The following MYL5 variants were observed in gnomAD, a reference collection of about 807,000 sequenced individuals.
MYL5 encodes myosin light chain 5, also known as myosin regulatory light chain 5.
In MYL5, 28 loss-of-function variants were observed where a neutral mutation model predicts 20.8. The observed-to-expected ratio is 1.35, with a 90% CI of 1.00 to 1.84. The LOEUF (loss-of-function observed/expected upper bound fraction) is 1.84, where lower values mean the gene tolerates loss of function less well. Among genes scored for constraint, MYL5 ranks in the 40% most tolerant of loss-of-function variants. The pLI is 0.00. For synonymous variants in MYL5, 118 were observed against 87.4 expected, an observed-to-expected ratio of 1.35 and a Z score of -1.95; for missense variants, 274 against 227.3, an observed-to-expected ratio of 1.21 and a Z score of -1.32.
upstream of MYL5, chr4:676,383 C>CG (rs749334168): frequency 1.3e-5 from 2 of 152,296 alleles, no homozygotes; most frequent in African/African-American, 4.8e-5. Flanking sequence ...AGAAAACATG[C>CG]GGGCAAACAC....
chr4:679,977 A>C (rs1438474303), exon 4 of MYL5: 2 of 1,613,440 alleles, frequency 1.2e-6, no homozygotes, highest in Non-Finnish European at 1.7e-6. Flanking sequence ...GGGCCCATCA[A>C]CTTCACCATG....
At chr4:679,999 G>A (rs765938092) in exon 4 of MYL5, 2 of 1,613,234 alleles carry the variant, frequency 1.2e-6, no homozygotes, top group Non-Finnish European at 1.7e-6. Flanking sequence ...TTCTGAACCT[G>A]TTTGGGGAGA....
intron 2 of MYL5, 48 bp downstream of exon 4, chr4:678,813 G>A: frequency 6.2e-7 from 1 of 1,608,686 alleles, no homozygotes; most frequent in South Asian, 1.1e-5. Context: ...AGGAGCCTGT[G>A]CTGGGAAGAC....
upstream of MYL5, among the ~76,000 whole-genome samples, chr4:677,507 C>A (rs74905711): frequency 4.6e-5 from 7 of 152,230 alleles, no homozygotes; most frequent in Non-Finnish European, 1.0e-4. Context: ...GGGGTGGTCC[C>A]AGGGCCAAGG....
Position 680,582 on chromosome 4 carries a change from GGAGTAGT to G in MYL5, c.371_371+6del, listed in dbSNP as rs754613093. 2 of 1,612,818 alleles carry G rather than the reference GGAGTAGT, an allele frequency of 1.2e-6. No individual in the cohort carries two copies. The highest frequency in any genetic ancestry group is 1.1e-5 in the South Asian group (1 of 91,084). On this transcript the variant is annotated splice_donor_variant and coding_sequence_variant, in exon 5 of 7. Transcript: ENST00000400159. LOFTEE classifies it high-confidence loss of function. ...CGGACGGGAAAGGGAAAATCAACAA[GGAGTAGT>G]GAGTGCCCGGGCGGCCAGGGCGGCC...
In MYL5 at chr4:680,506, C is replaced by A; in HGVS notation, c.293-3C>A. On this transcript the variant is annotated splice_region_variant and splice_polypyrimidine_tract_variant and intron_variant, in intron 4 of 6. Coordinates refer to ENST00000400159, the Ensembl canonical transcript of MYL5. ...CCCTGGGCTGAAGGTGCCTTTGTGG[C>A]AGGTACCGACGCCGAGGAGACCATT... 1 of 1,613,372 alleles carries A rather than the reference C, an allele frequency of 6.2e-7. No individual in the cohort carries two copies. Among genetic ancestry groups the A allele is most frequent in the Non-Finnish European group, 8.5e-7 (1 of 1,179,854 alleles).
At chr4:674,645 C>A, upstream of MYL5, 1 of 274,794 alleles carries the variant, frequency 3.6e-6, no homozygotes, top group Non-Finnish European at 7.0e-6. Context: ...CGGGCCGGGG[C>A]GCACTCTGTC....
intron 1 of MYL5, 59 bp downstream of exon 3, chr4:678,088 T>C: frequency 6.2e-7 from 1 of 1,601,536 alleles, no homozygotes. Flanking sequence ...GTGCTGTGCA[T>C]GTGTACATGC....
chr4:677,802 T>G (rs1488206766), upstream of MYL5: 1 of 664,764 alleles, frequency 1.5e-6, no homozygotes, highest in Non-Finnish European at 2.7e-6. Flanking sequence ...CAGAGGTATC[T>G]GGGGAGGCTG....
At chr4:681,409 G>A (rs1208122887) in intron 6 of MYL5, among the ~76,000 whole-genome samples, 1 of 152,018 alleles carries the variant, frequency 6.6e-6, no homozygotes, top group Non-Finnish European at 1.5e-5. Flanking sequence ...CGGAGGGGCG[G>A]GGCTCACAGC....
intron 1 of MYL5, 134 bp from the exon 4 acceptor site, chr4:678,524 C>T (rs1211817022): frequency 5.5e-6 from 8 of 1,456,096 alleles, no homozygotes; most frequent in Middle Eastern, 2.5e-4. Flanking sequence ...GCATGCTCCT[C>T]AGCTGTCTGG....
intron 1 of MYL5, chr4:678,316 T>C (rs1739062935): frequency 7.0e-7 from 1 of 1,424,016 alleles, no homozygotes; most frequent in African/African-American, 1.4e-5. Flanking sequence ...AAAATCCCGG[T>C]ACCCAGAACA....
chr4:676,388 A>G (rs1738842518), upstream of MYL5: 1 of 152,316 alleles, frequency 6.6e-6, no homozygotes, highest in Admixed American at 6.5e-5. Context: ...ACATGCGGGC[A>G]AACACACACG....
At chr4:681,219 G>A in intron 6 of MYL5, 79 bp downstream of exon 8, 5 of 1,512,160 alleles carry the variant, frequency 3.3e-6, no homozygotes, top group Non-Finnish European at 4.5e-6. Context: ...GGGGGACGCG[G>A]AGCCCGAGGA....
chr4:679,377 C>T (rs1241436109), intron 3 of MYL5, among the ~76,000 whole-genome samples: 2 of 148,918 alleles, frequency 1.3e-5, no homozygotes, highest in East Asian at 4.0e-4. Context: ...TGACAGAGGG[C>T]ATGGAGACCC....
intron 5 of MYL5, chr4:680,836 C>G: frequency 4.7e-6 from 3 of 632,490 alleles, no homozygotes; most frequent in Non-Finnish European, 8.2e-6. Context: ...ATCTTCAGCT[C>G]CTGCTAGGCG....
Position 679,046 on chromosome 4 carries a change from G to T in MYL5, c.187+13G>T. 6.2e-7 allele frequency: 1 copy of T among 1,611,404 alleles called. No homozygotes were observed. Among genetic ancestry groups the T allele is most frequent in the Non-Finnish European group, 8.5e-7 (1 of 1,178,524 alleles). ...TATGCCTCCCTGGGTAGGTACCCAG[G>T]CAGAACGCCTCAGAGCCCTTGGAGG... On this transcript the variant is annotated intron_variant, in intron 3 of 6. Coordinates refer to ENST00000400159, the Ensembl canonical transcript of MYL5.
chr4:678,470 G>A (rs1356274312), intron 1 of MYL5, 188 bp from the exon 4 acceptor site: 3 of 1,432,494 alleles, frequency 2.1e-6, no homozygotes, highest in Admixed American at 5.8e-5. Flanking sequence ...CCAGACACCT[G>A]CAGCCGTCCT....
At chr4:674,564 C>A (rs113529517), upstream of MYL5, 52,620 of 446,354 alleles carry the variant, frequency 0.12, 3,460 homozygotes, top group African/African-American at 0.14. Flanking sequence ...GGCTGGGGGT[C>A]CGCTGTTTCC....
Sources: gnomAD v4.1 joint callset for allele counts (sites outside exome capture counted in the v4.1 genomes callset) on GRCh38, gnomAD v4.1.1 for gene constraint, MANE v1.5 for transcripts, NCBI Gene and HGNC (gene_info 2026-07-23, HGNC 2026-07-21) for gene names.